The following TANGO6 variants were observed in gnomAD, a reference collection of about 807,000 sequenced individuals.
TANGO6 encodes the protein transport and Golgi organization protein 6 homolog.
In TANGO6, 90 loss-of-function variants were observed where a neutral mutation model predicts 114.2. The ratio of observed to expected loss-of-function variants is 0.79; its 90% CI spans 0.66 to 0.94. TANGO6 has a LOEUF of 0.94. Ranked by LOEUF, TANGO6 falls within the 40% of genes least tolerant of loss-of-function variation. The pLI is 0.00. For missense variants in TANGO6, 1,274 were observed against 1,315.3 expected (o/e 0.97, Z 0.49); for synonymous variants, 477 against 509.8 (o/e 0.94, Z 0.87).
intron 17 of TANGO6, among the ~76,000 whole-genome samples, chr16:69,057,827 G>C (rs939059327): frequency 6.6e-6 from 1 of 152,220 alleles, no homozygotes; most frequent in Non-Finnish European, 1.5e-5. Flanking sequence ...CTCTGTAAGA[G>C]AGCAAAAGCA....
chr16:69,068,578 G>C (rs181570796), intron 17 of TANGO6, among the ~76,000 whole-genome samples: 2 of 152,264 alleles, frequency 1.3e-5, no homozygotes, highest in East Asian at 3.9e-4. Context: ...TGCATGTTAG[G>C]CTCTCTTCCA....
intron 7 of TANGO6, among the ~76,000 whole-genome samples, chr16:68,882,598 G>A (rs893760578): frequency 3.9e-5 from 6 of 152,112 alleles, no homozygotes; most frequent in African/African-American, 1.2e-4. Context: ...TTTTGATGAC[G>A]GAAAGGTTCT....
intron 16 of TANGO6, among the ~76,000 whole-genome samples, chr16:69,039,924 C>A (rs1264101661): frequency 6.6e-6 from 1 of 152,206 alleles, no homozygotes; most frequent in Non-Finnish European, 1.5e-5. Context: ...TCTCTAGAAG[C>A]AGCTATGGTT....
intron 17 of TANGO6, among the ~76,000 whole-genome samples, chr16:69,066,813 G>A (rs1041073296): frequency 3.3e-5 from 5 of 152,118 alleles, no homozygotes; most frequent in Non-Finnish European, 7.3e-5. Flanking sequence ...ACCACTTTGA[G>A]AGGCTGAGGT....
chr16:69,064,088 C>G (rs906335537), intron 17 of TANGO6, among the ~76,000 whole-genome samples: 7 of 151,950 alleles, frequency 4.6e-5, no homozygotes, highest in African/African-American at 1.4e-4. Context: ...CTGCCCGCCT[C>G]GGCCTCCCAA....
intron 15 of TANGO6, among the ~76,000 whole-genome samples, chr16:69,018,607 T>A (rs1959346936): frequency 6.6e-6 from 1 of 151,970 alleles, no homozygotes. Flanking sequence ...CCTATGCATT[T>A]GAATATTTAA....
intron 17 of TANGO6, among the ~76,000 whole-genome samples, chr16:69,075,401 T>G (rs894248593): frequency 6.6e-6 from 1 of 152,126 alleles, no homozygotes; most frequent in African/African-American, 2.4e-5. Flanking sequence ...CATGCATATG[T>G]ATTTCCTTCT....
At chr16:68,893,740 A>AG (rs1962664128) in intron 7 of TANGO6, among the ~76,000 whole-genome samples, 1 of 151,284 alleles carries the variant, frequency 6.6e-6, no homozygotes, top group Non-Finnish European at 1.5e-5. Context: ...TGTCTCAAAA[A>AG]AAAAAAAGAA....
intron 14 of TANGO6, among the ~76,000 whole-genome samples, chr16:68,957,459 G>T (rs1353415984): frequency 2.0e-5 from 3 of 148,808 alleles, no homozygotes; most frequent in African/African-American, 7.4e-5. Context: ...GTGCAGTGGT[G>T]CGATTTTGGC....
intron 1 of TANGO6, 146 bp downstream of exon 1, chr16:68,843,857 A>G (rs747929156): frequency 1.7e-5 from 12 of 721,786 alleles, no homozygotes; most frequent in East Asian, 7.9e-5. Context: ...AGCATTGTCT[A>G]TGCCCGTCCT....
rs1963394423 is a variant in TANGO6, at chr16:68,944,643, G to C, written c.2701+14348G>C. Among the ~76,000 whole-genome samples the C allele has an allele frequency of 5.9e-5, 9 of 152,306 alleles. No homozygotes were observed. In the South Asian group the frequency reaches 1.9e-3, roughly 32 times the overall value. On this transcript the variant is annotated intron_variant, in intron 14 of 17. Coordinates refer to ENST00000261778, the MANE Select transcript of TANGO6 (RefSeq NM_024562.2). Reference sequence around the variant, plus strand: ...GGGAACACCTAGCTGACTCGTGGGAGAGAGGGTGCTCAAAGGCCCTCAATG... The same window carrying C: ...GGGAACACCTAGCTGACTCGTGGGACAGAGGGTGCTCAAAGGCCCTCAATG...
rs755549225 is a variant in TANGO6, at chr16:68,902,459, T to C, written c.1622T>C (p.Val541Ala). The C allele has an allele frequency of 1.9e-6, 3 of 1,613,296 alleles. 1 individual carries two copies. The highest frequency in any genetic ancestry group is 2.5e-6 in the Non-Finnish European group (3 of 1,179,590). ...CTCCATTCTCTGTGTCAGTTTAGAG[T>C]TGCCACTCAAGGTGGCATTATGATT... is the stretch of plus-strand genomic sequence containing the variant. ...PSLHSLCQFR[V>A]ATQGGIMITI... The change falls in exon 9 of 18, where the codon GTT (valine) becomes GCT (alanine). Residue 541 changes from valine (V) to alanine (A), a missense_variant. Coordinates refer to ENST00000261778, the MANE Select transcript of TANGO6 (RefSeq NM_024562.2).
intron 17 of TANGO6, among the ~76,000 whole-genome samples, chr16:69,078,268 A>G (rs1265395733): frequency 1.3e-5 from 2 of 152,208 alleles, no homozygotes; most frequent in Non-Finnish European, 2.9e-5. Context: ...AGCTTGTTCT[A>G]TGTAGCCCTT....
chr16:68,978,924 GA>G (rs1276806215), intron 15 of TANGO6, among the ~76,000 whole-genome samples: 5 of 124,986 alleles, frequency 4.0e-5, no homozygotes, highest in African/African-American at 5.6e-5. Flanking sequence ...TAAAGTATAT[GA>G]TTTTTTTTTT....
At chr16:68,854,489 ATTG>A (rs1199193812) in intron 1 of TANGO6, among the ~76,000 whole-genome samples, 1 of 152,096 alleles carries the variant, frequency 6.6e-6, no homozygotes, top group East Asian at 1.9e-4. Flanking sequence ...AAAACAAGAA[ATTG>A]TTGTCTACTC....
At chr16:69,007,248 T>C (rs1360416700) in intron 15 of TANGO6, 1 of 150,722 alleles carries the variant, frequency 6.6e-6, no homozygotes, top group African/African-American at 2.4e-5. Flanking sequence ...ATATGCCACA[T>C]TTTTTTTTCT....
At chr16:68,949,623 GA>G (rs58121672) in intron 14 of TANGO6, among the ~76,000 whole-genome samples, 1,383 of 124,186 alleles carry the variant, frequency 0.011, 24 homozygotes, top group African/African-American at 0.033. Context: ...CTGTCTCAAA[GA>G]AAAAAAAAAA....
intron 12 of TANGO6, among the ~76,000 whole-genome samples, chr16:68,921,477 C>T (rs1444973408): frequency 1.1e-4 from 17 of 151,720 alleles, no homozygotes; most frequent in Admixed American, 6.6e-5. Context: ...CACGCTCGGC[C>T]GGAATCATTT....
chr16:68,848,240 G>A (rs1412191051), intron 1 of TANGO6, among the ~76,000 whole-genome samples: 1 of 151,886 alleles, frequency 6.6e-6, no homozygotes, highest in Non-Finnish European at 1.5e-5. Context: ...CCAGCTAGCT[G>A]GGACTACAGG....
Sources: gnomAD v4.1 joint callset for allele counts (sites outside exome capture counted in the v4.1 genomes callset) on GRCh38, gnomAD v4.1.1 for gene constraint, MANE v1.5 for transcripts, NCBI Gene and HGNC (gene_info 2026-07-23, HGNC 2026-07-21) for gene names.